KCTD8: variants seen among roughly 807,000 people sequenced by gnomAD.
KCTD8 encodes the protein potassium channel tetramerization domain containing 8, also known as BTB/POZ domain-containing protein KCTD8.
A neutral mutation model predicts 31.5 loss-of-function variants in KCTD8; 27 were observed. The observed-to-expected ratio is 0.86, with a 90% CI of 0.63 to 1.18. The LOEUF (loss-of-function observed/expected upper bound fraction) is 1.18. Among genes scored for constraint, KCTD8 ranks in the 50% most tolerant of loss-of-function variants. KCTD8 has a pLI of 0.00. For missense variants in KCTD8, 658 were observed against 647.7 expected (o/e 1.02, Z -0.17); for synonymous variants, 290 against 280.0 (o/e 1.04, Z -0.36).
chr4:44,231,760 G>A (rs1438911834), intron 1 of KCTD8, among the ~76,000 whole-genome samples: 2 of 152,164 alleles, frequency 1.3e-5, no homozygotes, highest in East Asian at 1.9e-4. Flanking sequence ...TTTCTGGAAT[G>A]AGTAAATTAA....
At chr4:44,207,134 C>T (rs143901374) in intron 1 of KCTD8, among the ~76,000 whole-genome samples, 23 of 152,216 alleles carry the variant, frequency 1.5e-4, no homozygotes, top group Admixed American at 1.1e-3. Flanking sequence ...ACTCTCCATA[C>T]GTTGGATTCC....
intron 1 of KCTD8, among the ~76,000 whole-genome samples, chr4:44,296,694 A>G (rs1717447441): frequency 6.6e-6 from 1 of 152,048 alleles, no homozygotes; most frequent in Admixed American, 6.6e-5. Flanking sequence ...GGGCTTCACT[A>G]ATATTTGTTC....
rs1713128644 is a variant in KCTD8, at chr4:44,174,225, T to C, written c.*565A>G. ...TTTATAGGCTTTGTCTAAAACATTT[T>C]TTTTTGCTTTTTTTTGTAATTTTTT... On this transcript the variant is annotated 3_prime_UTR_variant, in exon 2 of 2. Coordinates refer to ENST00000360029, the MANE Select transcript of KCTD8 (RefSeq NM_198353.3). 1 of 150,502 alleles carries C rather than the reference T, an allele frequency of 6.6e-6. No individual in the cohort carries two copies. Among genetic ancestry groups the C allele is most frequent in the East Asian group, 1.9e-4 (1 of 5,184 alleles). 9.3% of individuals were successfully genotyped at this position (150,502 alleles called of 1,614,324 possible). A position where few individuals can be genotyped will look rare whatever the true frequency, so the allele number is the denominator to read the frequency against.
intron 1 of KCTD8, among the ~76,000 whole-genome samples, chr4:44,357,331 T>C (rs1719369776): frequency 1.3e-5 from 2 of 152,176 alleles, no homozygotes; most frequent in Non-Finnish European, 2.9e-5. Flanking sequence ...TCCCTTCTCT[T>C]CCATCGTTAC....
intron 1 of KCTD8, among the ~76,000 whole-genome samples, chr4:44,187,128 C>T (rs928079768): frequency 1.2e-4 from 18 of 152,198 alleles, no homozygotes; most frequent in African/African-American, 4.1e-4. Flanking sequence ...AAGTTCCTAC[C>T]TTATCCCTTT....
Position 44,448,059 on chromosome 4 carries a change from A to C in KCTD8, c.465T>G (p.Ser155=), listed in dbSNP as rs774172376. 5 of 1,611,792 alleles carry C rather than the reference A, an allele frequency of 3.1e-6. No homozygotes were observed. Among genetic ancestry groups the C allele is most frequent in the Non-Finnish European group, 4.2e-6 (5 of 1,179,618 alleles). ...LLSPKVTKQN[S]LNDEGCQSDL... ...CGCTCTGGCAGCCCTCGTCGTTGAG[A>C]GAGTTCTGCTTGGTGACCTTGGGCG... Residue 155 remains serine (S), a synonymous_variant, in exon 1 of 2, where the codon TCT becomes TCG. Transcript: ENST00000360029. The surrounding 1 kb of genome is among the most constrained non-coding windows in gnomAD (Gnocchi z 4.1).
intron 1 of KCTD8, among the ~76,000 whole-genome samples, chr4:44,268,002 C>T (rs1716444807): frequency 6.6e-6 from 1 of 152,124 alleles, no homozygotes; most frequent in South Asian, 2.1e-4. Flanking sequence ...GAAACTATTC[C>T]AATCAATAGA....
chr4:44,211,594 G>GT (rs1714485606), intron 1 of KCTD8, among the ~76,000 whole-genome samples: 1 of 152,000 alleles, frequency 6.6e-6, no homozygotes, highest in African/African-American at 2.4e-5. Context: ...ACAGCTTCCA[G>GT]TTTTTTGTTA....
At chr4:44,298,412 C>A (rs1030977294) in intron 1 of KCTD8, among the ~76,000 whole-genome samples, 1 of 151,306 alleles carries the variant, frequency 6.6e-6, no homozygotes, top group South Asian at 2.1e-4. Flanking sequence ...ATCTGCCCCC[C>A]CCACCTCTTT....
intron 1 of KCTD8, among the ~76,000 whole-genome samples, chr4:44,351,498 A>G (rs1339038775): frequency 6.6e-6 from 1 of 152,134 alleles, no homozygotes; most frequent in Non-Finnish European, 1.5e-5. Flanking sequence ...CTACAAAATT[A>G]TCTTTGTCAT....
intron 1 of KCTD8, among the ~76,000 whole-genome samples, chr4:44,266,429 C>T (rs1190215041): frequency 2.0e-5 from 3 of 152,200 alleles, no homozygotes; most frequent in Admixed American, 6.5e-5. Flanking sequence ...GTACCAGCCA[C>T]TGCAAAAACA....
intron 1 of KCTD8, among the ~76,000 whole-genome samples, chr4:44,295,109 G>A (rs770507789): frequency 6.6e-6 from 1 of 152,042 alleles, no homozygotes; most frequent in Non-Finnish European, 1.5e-5. Context: ...GCTGGGTAAT[G>A]TGGGGAGACC....
Position 44,448,653 on chromosome 4 carries a change from G to A in KCTD8, c.-130C>T, listed in dbSNP as rs1722024468. On this transcript the variant is annotated 5_prime_UTR_variant, in exon 1 of 2. Coordinates refer to ENST00000360029, the MANE Select transcript of KCTD8 (RefSeq NM_198353.3). This position sits in a 1 kb window ranked among gnomAD's most constrained non-coding sequence, Gnocchi z 4.1. ...CTGGGCGGCGCGTTCCTCCGACCGGGGCGGCCCCGCTCAGGGTTCGGGGCA... is the reference window on the plus strand; with the variant it reads ...CTGGGCGGCGCGTTCCTCCGACCGGAGCGGCCCCGCTCAGGGTTCGGGGCA... The A allele has an allele frequency of 9.6e-7, 1 of 1,045,510 alleles. No individual in the cohort carries two copies. The highest frequency in any genetic ancestry group is 1.7e-5 in the African/African-American group (1 of 60,316). 64.8% of individuals were successfully genotyped at this position (1,045,510 alleles called of 1,614,324 possible).
intron 1 of KCTD8, among the ~76,000 whole-genome samples, chr4:44,434,068 CT>C (rs1721579712): frequency 6.6e-6 from 1 of 151,826 alleles, no homozygotes; most frequent in Admixed American, 6.6e-5. Flanking sequence ...TCTTCCAACA[CT>C]TCCCCTGATA....
At chr4:44,317,250 T>TTTTTTTTTTTTTTTTG (rs1718160010) in intron 1 of KCTD8, among the ~76,000 whole-genome samples, 1 of 89,488 alleles carries the variant, frequency 1.1e-5, no homozygotes, top group Admixed American at 1.1e-4. Flanking sequence ...TTTTTTTTTT[T>TTTTTTTTTTTTTTTTG]GAGACGGAGT....
At chr4:44,268,367 G>T (rs370286190) in intron 1 of KCTD8, among the ~76,000 whole-genome samples, 7 of 151,808 alleles carry the variant, frequency 4.6e-5, no homozygotes, top group Non-Finnish European at 8.8e-5. Flanking sequence ...AAACTCTCAA[G>T]AAATTAGGTA....
At chr4:44,298,862 A>G (rs1717522775) in intron 1 of KCTD8, among the ~76,000 whole-genome samples, 1 of 152,218 alleles carries the variant, frequency 6.6e-6, no homozygotes, top group African/African-American at 2.4e-5. Flanking sequence ...ATAGTAAATA[A>G]AGTAACAAAT....
chr4:44,301,658 T>A (rs2109392783), intron 1 of KCTD8, among the ~76,000 whole-genome samples: 1 of 152,314 alleles, frequency 6.6e-6, no homozygotes, highest in Non-Finnish European at 1.5e-5. Flanking sequence ...TTTCTCCCAT[T>A]TCATAGGTTG....
At chr4:44,363,042 C>T (rs968843526) in intron 1 of KCTD8, among the ~76,000 whole-genome samples, 1 of 151,814 alleles carries the variant, frequency 6.6e-6, no homozygotes, top group African/African-American at 2.4e-5. Flanking sequence ...TTGATATTTT[C>T]AATTCATTTA....
Sources: allele counts gnomAD v4.1 joint callset (sites outside exome capture counted in the v4.1 genomes callset), GRCh38; gene constraint gnomAD v4.1.1; non-coding constraint Gnocchi (gnomAD v3.1); transcripts MANE v1.5; gene names NCBI Gene and HGNC (gene_info 2026-07-23, HGNC 2026-07-21).